The following LAMC1 variants were observed in gnomAD, a reference collection of about 807,000 sequenced individuals.
LAMC1 encodes laminin subunit gamma 1.
LAMC1 carries 38 observed loss-of-function variants against 173.6 expected under a neutral mutation model. The observed-to-expected ratio is 0.22, with a 90% CI of 0.17 to 0.29. The LOEUF (loss-of-function observed/expected upper bound fraction) is 0.29. Ranked by LOEUF, LAMC1 falls within the 10% of genes least tolerant of loss-of-function variation. The pLI is 1.00. For missense variants in LAMC1, 1,824 were observed against 2,051.8 expected (o/e 0.89, Z 2.14); for synonymous variants, 746 against 749.1 (o/e 1.00, Z 0.07).
chr1:183,125,429 C>G lies in LAMC1; in HGVS notation c.2680C>G (p.Gln894Glu), dbSNP rs551884935. 4.3e-5 allele frequency: 70 copies of G among 1,614,118 alleles called. 1 individual carries two copies. The South Asian group carries it at 6.9e-4, about 16-fold the overall frequency. ...TTGCAATCTGTATGGGACCATGAAG[C>G]AGCAGAGCAGCTGTAACCCCGTGAC... ...CNCNLYGTMKQQSSCNPVTGQ... is the reference protein window; with the variant it reads ...CNCNLYGTMKEQSSCNPVTGQ... Residue 894 changes from glutamine (Q) to glutamate (E), a missense_variant, in exon 15 of 28, where the codon CAG becomes GAG. Coordinates refer to ENST00000258341, the MANE Select transcript of LAMC1 (RefSeq NM_002293.4).
chr1:183,117,080 C>A, intron 8 of LAMC1, 177 bp downstream of exon 8: 1 of 741,856 alleles, frequency 1.3e-6, no homozygotes, highest in Non-Finnish European at 2.1e-6. Context: ...GTACTTTTGG[C>A]TTTAGAATTT....
intron 1 of LAMC1, among the ~76,000 whole-genome samples, chr1:183,085,728 G>C (rs12066082): frequency 0.33 from 50,752 of 151,914 alleles, 9,645 homozygotes; most frequent in East Asian, 0.49. Context: ...GTTACTGTAG[G>C]CATTTAGTAC....
chr1:183,036,378 G>A (rs1221305199), intron 1 of LAMC1, among the ~76,000 whole-genome samples: 5 of 148,244 alleles, frequency 3.4e-5, no homozygotes, highest in Non-Finnish European at 7.4e-5. Context: ...GATTACTGGC[G>A]TGAGCCACCA....
chr1:183,130,033 A>G (rs1656737515), intron 18 of LAMC1, among the ~76,000 whole-genome samples: 1 of 152,218 alleles, frequency 6.6e-6, no homozygotes, highest in Non-Finnish European at 1.5e-5. Flanking sequence ...AGTCATTCTC[A>G]CCTTCATTAA....
At chr1:183,133,636 C>A in intron 22 of LAMC1, 86 bp downstream of exon 22, 1 of 1,267,612 alleles carries the variant, frequency 7.9e-7, no homozygotes, top group South Asian at 1.8e-5. Context: ...CTCCCTCTGT[C>A]CTCCCACTGA....
chr1:183,086,316 T>C (rs1010837522), intron 1 of LAMC1, among the ~76,000 whole-genome samples: 3 of 152,254 alleles, frequency 2.0e-5, no homozygotes, highest in Non-Finnish European at 4.4e-5. Context: ...GAAGAATGAA[T>C]GAGCCAAGTA....
At chr1:183,123,848 G>A (rs1571456576) in intron 13 of LAMC1, among the ~76,000 whole-genome samples, 1 of 152,160 alleles carries the variant, frequency 6.6e-6, no homozygotes, top group East Asian at 1.9e-4. Context: ...GAAAATACTT[G>A]TTGAATGAAT....
At position 183,128,619 on chromosome 1, in the gene LAMC1, A is replaced by G. The variant is rs375236023; in HGVS notation, c.3149A>G (p.Gln1050Arg). The G allele has an allele frequency of 3.7e-6, 6 of 1,611,234 alleles. No homozygotes were observed. The highest frequency in any genetic ancestry group is 5.1e-6 in the Non-Finnish European group (6 of 1,178,196). Residue 1050 changes from glutamine to arginine, a missense_variant, in exon 18 of 28, where the codon CAG (glutamine) becomes CGG (arginine). Transcript: ENST00000258341. ...DKVADHRVKLQELESLIANLG... is the reference protein window; with the variant it reads ...DKVADHRVKLRELESLIANLG... ...GTTGCTGATCATAGAGTGAAGCTCC[A>G]GGAATTAGAGAGTCTCATAGCAAAC... is the stretch of plus-strand genomic sequence containing the variant.
intron 1 of LAMC1, among the ~76,000 whole-genome samples, chr1:183,076,744 G>A (rs138594644): frequency 1.1e-3 from 171 of 152,340 alleles, no homozygotes; most frequent in African/African-American, 3.8e-3. Flanking sequence ...AGTCCATCAT[G>A]TGGATATACT....
chr1:183,044,399 AT>A (rs140757481), intron 1 of LAMC1, among the ~76,000 whole-genome samples: 17,774 of 151,994 alleles, frequency 0.12, 1,167 homozygotes, highest in Admixed American at 0.2. Flanking sequence ...AATCTTTTTT[AT>A]GTTTATTTAT....
intron 10 of LAMC1, 55 bp from the exon 11 acceptor site, chr1:183,117,979 C>T (rs926085998): frequency 9.5e-7 from 1 of 1,049,228 alleles, no homozygotes; most frequent in South Asian, 1.4e-5. Flanking sequence ...AAATATTTCC[C>T]CAACATCCAG....
intron 10 of LAMC1, 119 bp downstream of exon 10, chr1:183,117,842 A>G (rs1656365343): frequency 2.1e-6 from 2 of 952,136 alleles, no homozygotes; most frequent in South Asian, 3.4e-5. Flanking sequence ...TATTGTGGTG[A>G]TTTTGTAAAA....
intron 1 of LAMC1, among the ~76,000 whole-genome samples, chr1:183,070,187 A>G (rs1402913891): frequency 1.3e-5 from 2 of 152,228 alleles, no homozygotes; most frequent in African/African-American, 4.8e-5. Context: ...CATAAAGTTC[A>G]ATCTGTGATT....
intron 1 of LAMC1, among the ~76,000 whole-genome samples, chr1:183,069,608 C>A (rs1654958470): frequency 6.6e-6 from 1 of 152,168 alleles, no homozygotes; most frequent in African/African-American, 2.4e-5. Context: ...GGGAATGCCT[C>A]CTTCTTGTAG....
chr1:183,045,355 A>G (rs1654240888), intron 1 of LAMC1, among the ~76,000 whole-genome samples: 1 of 152,038 alleles, frequency 6.6e-6, no homozygotes, highest in African/African-American at 2.4e-5. Flanking sequence ...ATCTACTACC[A>G]TGGATTTTAT....
chr1:183,100,895 G>A (rs538951631), intron 1 of LAMC1, among the ~76,000 whole-genome samples: 83 of 152,314 alleles, frequency 5.4e-4, no homozygotes, highest in Non-Finnish European at 1.0e-3. Flanking sequence ...CTCAGTGCCA[G>A]CAAGGCCAGG....
intron 1 of LAMC1, among the ~76,000 whole-genome samples, chr1:183,053,770 C>T (rs894178784): frequency 6.6e-6 from 1 of 152,150 alleles, no homozygotes; most frequent in African/African-American, 2.4e-5. Flanking sequence ...GGATTACAGG[C>T]GCACACCATC....
rs769320528 is a variant in LAMC1 at position 183,113,974 on chromosome 1, G to A, written c.1022-557G>A. On this transcript the variant is annotated intron_variant, in intron 4 of 27. Transcript: ENST00000258341. ...AGTACGAGAATTCCTTGTATCTTAC[G>A]ATGGTGCTGTTTTTTAGAGGGAGGA... Among the ~76,000 whole-genome samples, 97 of 152,280 alleles carry A rather than the reference G, an allele frequency of 6.4e-4. 1 individual carries two copies. In the Middle Eastern group the frequency reaches 0.024, roughly 37 times the overall value.
chr1:183,108,874 T>C (rs1274692113), intron 3 of LAMC1, among the ~76,000 whole-genome samples: 1 of 152,126 alleles, frequency 6.6e-6, no homozygotes, highest in African/African-American at 2.4e-5. Flanking sequence ...ATGCCACATA[T>C]CAAGAATGAT....
Sources: gnomAD v4.1 joint callset for allele counts (sites outside exome capture counted in the v4.1 genomes callset) on GRCh38, gnomAD v4.1.1 for gene constraint, MANE v1.5 for transcripts, NCBI Gene and HGNC (gene_info 2026-07-23, HGNC 2026-07-21) for gene names.